The following EPB41L5 variants were observed in gnomAD, a reference collection of about 807,000 sequenced individuals.
EPB41L5 encodes erythrocyte membrane protein band 4.1 like 5, also known as band 4.1-like protein 5.
A neutral mutation model predicts 106.6 loss-of-function variants in EPB41L5; 55 were observed. The observed-to-expected ratio is 0.52, with a 90% confidence interval of 0.42 to 0.65. EPB41L5 has a LOEUF of 0.65. Among genes scored for constraint, EPB41L5 ranks in the 30% least tolerant of loss-of-function variants. The pLI, the probability that EPB41L5 is intolerant of heterozygous loss-of-function variation, is 0.00. For synonymous variants in EPB41L5, 297 were observed against 306.7 expected (o/e 0.97, Z 0.33); for missense variants, 871 against 882.1 (o/e 0.99, Z 0.16).
chr2:120,115,750 A>T (rs1400810368), intron 16 of EPB41L5, among the ~76,000 whole-genome samples: 3 of 151,720 alleles, frequency 2.0e-5, no homozygotes, highest in Non-Finnish European at 4.4e-5. Context: ...TTAACATTTT[A>T]TGTTATGTTG....
chr2:120,148,268 G>T (rs978655007), intron 20 of EPB41L5, among the ~76,000 whole-genome samples: 17 of 151,906 alleles, frequency 1.1e-4, no homozygotes, highest in Admixed American at 2.0e-4. Flanking sequence ...CTAGAACATT[G>T]TTTGAGAATG....
At chr2:120,129,329 C>G (rs1685596738) in intron 17 of EPB41L5, among the ~76,000 whole-genome samples, 1 of 133,934 alleles carries the variant, frequency 7.5e-6, no homozygotes, top group South Asian at 2.5e-4. Context: ...GAGCAAGACT[C>G]TGTCTCAAAA....
At chr2:120,126,764 C>T (rs948135628) in intron 16 of EPB41L5, among the ~76,000 whole-genome samples, 2 of 152,132 alleles carry the variant, frequency 1.3e-5, no homozygotes, top group Non-Finnish European at 2.9e-5. Context: ...ATTCTAGCTG[C>T]TTTGGCTTTC....
At position 120,169,050 on chromosome 2, in the gene EPB41L5, A is replaced by G. The variant is rs568710031; in HGVS notation, c.2135+1043A>G. On this transcript the variant is annotated intron_variant, in intron 24 of 24. Coordinates refer to ENST00000263713, the MANE Select transcript of EPB41L5 (RefSeq NM_020909.4). ...AATGTGAGCTCTTAAGGACTTTCACATTAAAAATTACAGATGAAAGCAGAG... is the reference window on the plus strand; with the variant it reads ...AATGTGAGCTCTTAAGGACTTTCACGTTAAAAATTACAGATGAAAGCAGAG... 1.1e-3 allele frequency among the ~76,000 whole-genome samples: 163 copies of G among 152,364 alleles called. 1 individual carries two copies. Among genetic ancestry groups the G allele is most frequent in the African/African-American group, 3.7e-3 (154 of 41,588 alleles).
chr2:120,028,164 G>A (rs1300890932), intron 2 of EPB41L5, among the ~76,000 whole-genome samples: 1 of 151,828 alleles, frequency 6.6e-6, no homozygotes, highest in African/African-American at 2.4e-5. Context: ...GCGCCCGGCC[G>A]GAAGTTATTT....
intron 14 of EPB41L5, among the ~76,000 whole-genome samples, chr2:120,098,532 G>A (rs147778179): frequency 2.0e-5 from 3 of 152,028 alleles, no homozygotes; most frequent in African/African-American, 7.2e-5. Context: ...TCTTTGAAAG[G>A]TATTTTGTTG....
chr2:120,158,897 G>C (rs1687015050), intron 20 of EPB41L5, among the ~76,000 whole-genome samples: 1 of 152,116 alleles, frequency 6.6e-6, no homozygotes, highest in African/African-American at 2.4e-5. Flanking sequence ...AAAGTCTAAG[G>C]ATACAAAATC....
At chr2:120,165,249 A>G (rs1003578657) in intron 22 of EPB41L5, among the ~76,000 whole-genome samples, 1 of 152,236 alleles carries the variant, frequency 6.6e-6, no homozygotes, top group East Asian at 1.9e-4. Context: ...TAAGAATGGC[A>G]TTGAACATAT....
At chr2:120,152,709 C>A (rs1686733020) in intron 20 of EPB41L5, among the ~76,000 whole-genome samples, 1 of 152,216 alleles carries the variant, frequency 6.6e-6, no homozygotes, top group African/African-American at 2.4e-5. Flanking sequence ...TGGTAGAATT[C>A]ACCAGTGAAG....
chr2:120,034,345 G>C (rs571089374), intron 2 of EPB41L5, among the ~76,000 whole-genome samples: 1 of 152,306 alleles, frequency 6.6e-6, no homozygotes, highest in East Asian at 1.9e-4. Context: ...TTAAAGCAAT[G>C]CTTCCCTTTT....
At chr2:120,136,030 C>G (rs1197299002) in intron 18 of EPB41L5, among the ~76,000 whole-genome samples, 1 of 144,900 alleles carries the variant, frequency 6.9e-6, no homozygotes, top group Non-Finnish European at 1.5e-5. Context: ...ACTACAACAA[C>G]TTTTCTAGAC....
chr2:120,118,158 C>T (rs1054545443), intron 16 of EPB41L5, among the ~76,000 whole-genome samples: 12 of 152,102 alleles, frequency 7.9e-5, no homozygotes, highest in Admixed American at 7.9e-4. Context: ...ATTTGAATCT[C>T]AGATCCATTT....
intron 2 of EPB41L5, among the ~76,000 whole-genome samples, chr2:120,039,818 T>C (rs1191462232): frequency 7.0e-6 from 1 of 143,372 alleles, no homozygotes; most frequent in Non-Finnish European, 1.5e-5. Flanking sequence ...AGAGTGAAAC[T>C]CTGTCTCAGG....
intron 3 of EPB41L5, among the ~76,000 whole-genome samples, chr2:120,047,021 T>G (rs1035959318): frequency 1.3e-5 from 2 of 151,240 alleles, no homozygotes; most frequent in Non-Finnish European, 1.5e-5. Flanking sequence ...TTGGTCTATG[T>G]CTCTGTTTTG....
chr2:120,059,867 C>T (rs919808675), intron 3 of EPB41L5, among the ~76,000 whole-genome samples: 6 of 152,228 alleles, frequency 3.9e-5, no homozygotes, highest in Admixed American at 1.3e-4. Flanking sequence ...GGCGACAGAG[C>T]GAAACCGTGT....
chr2:120,015,691 C>G (rs1315237095), intron 1 of EPB41L5, among the ~76,000 whole-genome samples: 1 of 151,984 alleles, frequency 6.6e-6, no homozygotes, highest in Non-Finnish European at 1.5e-5. Flanking sequence ...GTAATCCCAG[C>G]ACTTTGGGAG....
In EPB41L5 at chr2:120,090,393, A is replaced by T. The variant is rs780336067; in HGVS notation, c.920A>T (p.Lys307Ile). Residue 307 changes from lysine (K) to isoleucine (I), a missense_variant, in exon 12 of 25, where the codon AAA becomes ATA. Transcript: ENST00000263713. ...TTTGTCTTTAGACTGGATCATCCAAAAGCATGCAAACATTTATGGAAATGT... is the reference window on the plus strand; with the variant it reads ...TTTGTCTTTAGACTGGATCATCCAATAGCATGCAAACATTTATGGAAATGT... ...HTFVFRLDHP[K>I]ACKHLWKCAV... 1 of 1,613,412 alleles carries T rather than the reference A, an allele frequency of 6.2e-7. No individual in the cohort carries two copies. The highest frequency in any genetic ancestry group is 8.5e-7 in the Non-Finnish European group (1 of 1,179,760).
rs148699972 is a variant in EPB41L5, at chr2:120,158,974, G to A, written c.1794-1907G>A. ...TCAAGCTGAGAGCCAAATCAGGAAC[G>A]CAGTCCTATTCACAATTGCCATAAA... is the stretch of plus-strand genomic sequence containing the variant. On this transcript the variant is annotated intron_variant, in intron 20 of 24. Coordinates refer to ENST00000263713, the MANE Select transcript of EPB41L5 (RefSeq NM_020909.4). Among the ~76,000 whole-genome samples, 67 of 152,164 alleles carry A rather than the reference G, an allele frequency of 4.4e-4. 1 individual carries two copies. Among genetic ancestry groups the A allele is most frequent in the African/African-American group, 1.0e-3 (43 of 41,498 alleles).
chr2:120,126,047 C>T (rs750854729), intron 16 of EPB41L5, among the ~76,000 whole-genome samples: 33 of 152,124 alleles, frequency 2.2e-4, no homozygotes, highest in Non-Finnish European at 4.4e-4. Context: ...CCAAATTTCC[C>T]CATTTTATAA....
Sources: gnomAD v4.1 joint callset for allele counts (sites outside exome capture counted in the v4.1 genomes callset) on GRCh38, gnomAD v4.1.1 for gene constraint, MANE v1.5 for transcripts, NCBI Gene and HGNC (gene_info 2026-07-23, HGNC 2026-07-21) for gene names.